EBF3: variants seen among roughly 807,000 people sequenced by gnomAD.
EBF3 encodes EBF transcription factor 3.
In EBF3, 18 loss-of-function variants were observed where a neutral mutation model predicts 77.1. The ratio of observed to expected loss-of-function variants is 0.23; its 90% CI spans 0.16 to 0.35. The LOEUF is 0.35. Ranked by LOEUF, EBF3 falls within the 10% of genes least tolerant of loss-of-function variation. The probability of loss-of-function intolerance (pLI) is 1.00; values close to 1 mark genes in which losing one functional copy is unlikely to be tolerated. For synonymous variants in EBF3, 350 were observed against 343.5 expected (o/e 1.02, Z -0.21); for missense variants, 558 against 860.0 (o/e 0.65, Z 4.39).
At position 129,841,094 on chromosome 10, in the gene EBF3, G is replaced by A. The variant is rs558218789; in HGVS notation, c.1373-62C>T. Reference sequence around the variant, plus strand: ...TTATCAGCGACAGACACTTGGGGGGGGTTCCCCGAGAATCTATATCATATA... The same window carrying A: ...TTATCAGCGACAGACACTTGGGGGGAGTTCCCCGAGAATCTATATCATATA... On this transcript the variant is annotated intron_variant, in intron 13 of 16. Coordinates refer to ENST00000440978, the MANE Select transcript of EBF3 (RefSeq NM_001375380.1). This position sits in a 1 kb window ranked among gnomAD's most constrained non-coding sequence, Gnocchi z 4.6. 6 of 1,580,680 alleles carry A rather than the reference G, an allele frequency of 3.8e-6. No homozygotes were observed. The African/African-American group carries it at 5.4e-5, about 14-fold the overall frequency.
chr10:129,863,452 C>T lies in EBF3; in HGVS notation c.1039+3689G>A, dbSNP rs1851776734. On this transcript the variant is annotated intron_variant, in intron 10 of 16. Transcript: ENST00000440978. The surrounding 1 kb of genome is among the most constrained non-coding windows in gnomAD (Gnocchi z 4.0). ...TGGTTCAGAAAAATCTGGTGTTTCT[C>T]AGATCACTGTAAACAGATCATTGAG... Among the ~76,000 whole-genome samples, 1 of 152,220 alleles carries T rather than the reference C, an allele frequency of 6.6e-6. No individual in the cohort carries two copies. Among genetic ancestry groups the T allele is most frequent in the South Asian group, 2.1e-4 (1 of 4,832 alleles).
At chr10:129,872,803 G>T (rs1852491397) in intron 8 of EBF3, among the ~76,000 whole-genome samples, 1 of 152,192 alleles carries the variant, frequency 6.6e-6, no homozygotes, top group African/African-American at 2.4e-5. Context: ...TCGGCGCAAG[G>T]CCCACTGTGT....
intron 10 of EBF3, among the ~76,000 whole-genome samples, chr10:129,865,853 G>A (rs1351799172): frequency 1.3e-5 from 2 of 152,180 alleles, no homozygotes; most frequent in African/African-American, 4.8e-5. Context: ...GTGTCCCATT[G>A]GGCGTCCTTC....
chr10:129,951,870 C>T (rs491299), intron 6 of EBF3, among the ~76,000 whole-genome samples: 82,414 of 152,186 alleles, frequency 0.54, 23,113 homozygotes, highest in Middle Eastern at 0.63. Context: ...CATAATGCAG[C>T]TCTTCCTTTT....
intron 15 of EBF3, 147 bp from the exon 16 acceptor site, chr10:129,839,342 C>T (rs1316771107): frequency 3.1e-5 from 12 of 385,994 alleles, no homozygotes; most frequent in African/African-American, 4.2e-5. Flanking sequence ...TAAGTGCCTG[C>T]GGGCCTCAGC....
rs868766968 is a variant in EBF3, at chr10:129,853,838, A to C, written c.1040-5358T>G. Among the ~76,000 whole-genome samples, 5 of 152,376 alleles carry C rather than the reference A, an allele frequency of 3.3e-5. No individual in the cohort carries two copies. In the South Asian group the frequency reaches 1.0e-3, roughly 32 times the overall value. On this transcript the variant is annotated intron_variant, in intron 10 of 16. Transcript: ENST00000440978. Reference sequence around the variant, plus strand: ...AACCAGCTGAATCCAAGGGGGAAAAATGCCAATAGCAATTATATCACCTTG... The same window carrying C: ...AACCAGCTGAATCCAAGGGGGAAAACTGCCAATAGCAATTATATCACCTTG...
Position 129,848,279 on chromosome 10 carries a change from A to AGAGTTTGG in EBF3, c.1128+105_1128+112dup. 8.8e-7 allele frequency: 1 copy of AGAGTTTGG among 1,132,066 alleles called. No homozygotes were observed. Among genetic ancestry groups the AGAGTTTGG allele is most frequent in the East Asian group, 2.4e-5 (1 of 42,384 alleles). 70.1% of individuals were successfully genotyped at this position (1,132,066 alleles called of 1,614,324 possible). ...CACCTGTCGGCCCTGTGGTGGGCACAGAGTTTGGGGAATCTGCAATCCCCC... is the reference window on the plus strand; with the variant it reads ...CACCTGTCGGCCCTGTGGTGGGCACAGAGTTTGGGAGTTTGGGGAATCTGCAATCCCCC... On this transcript the variant is annotated intron_variant, in intron 11 of 16. Coordinates refer to ENST00000440978, the MANE Select transcript of EBF3 (RefSeq NM_001375380.1). The surrounding 1 kb of genome is among the most constrained non-coding windows in gnomAD (Gnocchi z 4.4).
At chr10:129,912,403 T>C (rs566608281) in intron 6 of EBF3, among the ~76,000 whole-genome samples, 14 of 152,270 alleles carry the variant, frequency 9.2e-5, no homozygotes, top group Admixed American at 7.8e-4. Flanking sequence ...CCTGATTGGC[T>C]CCTGCAGGAT....
At chr10:129,931,506 T>G (rs1857024486) in intron 6 of EBF3, among the ~76,000 whole-genome samples, 1 of 152,224 alleles carries the variant, frequency 6.6e-6, no homozygotes, top group Non-Finnish European at 1.5e-5. Context: ...CTCTGAGAAC[T>G]GGGCCCTTAA....
chr10:129,916,414 A>G (rs975137813), intron 6 of EBF3, among the ~76,000 whole-genome samples: 1 of 152,234 alleles, frequency 6.6e-6, no homozygotes. Context: ...ATGCTTGACC[A>G]GCCCCTGATC....
At position 129,839,413 on chromosome 10, in the gene EBF3, G is replaced by A. The variant is rs111614412; in HGVS notation, c.1760-218C>T. On this transcript the variant is annotated intron_variant, in intron 15 of 16. Transcript: ENST00000440978. ...TGGGGGCACCCATGTGGCTCTGCCC[G>A]TCACACACATCACAGGCCACGTGCA... 1.9e-3 allele frequency among the ~76,000 whole-genome samples: 285 copies of A among 152,336 alleles called. 2 individuals carry two copies. Among genetic ancestry groups the A allele is most frequent in the South Asian group, 4.1e-3 (20 of 4,828 alleles).
intron 6 of EBF3, among the ~76,000 whole-genome samples, chr10:129,886,977 C>T (rs1056203171): frequency 2.7e-5 from 4 of 148,796 alleles, no homozygotes; most frequent in Non-Finnish European, 4.4e-5. Flanking sequence ...AAGGAAATAC[C>T]GATCAGCGCC....
rs1353936339 is a variant in EBF3 at position 129,861,169 on chromosome 10, CA to C, written c.1039+5971del. ...GGTTTGGGTTGATGCTGTGCCGTAGCAGTGGGGAGGACAGCGGTGGGAGCCT... is the reference window on the plus strand; with the variant it reads ...GGTTTGGGTTGATGCTGTGCCGTAGCGTGGGGAGGACAGCGGTGGGAGCCT... On this transcript the variant is annotated intron_variant, in intron 10 of 16. Coordinates refer to ENST00000440978, the MANE Select transcript of EBF3 (RefSeq NM_001375380.1). The surrounding 1 kb of genome is among the most constrained non-coding windows in gnomAD (Gnocchi z 4.3). Among the ~76,000 whole-genome samples the C allele has an allele frequency of 3.3e-5, 5 of 152,150 alleles. No homozygotes were observed. The highest frequency in any genetic ancestry group is 3.3e-4 in the Admixed American group (5 of 15,284).
chr10:129,927,106 C>T (rs1856729497), intron 6 of EBF3, among the ~76,000 whole-genome samples: 1 of 152,198 alleles, frequency 6.6e-6, no homozygotes, highest in South Asian at 2.1e-4. Context: ...GAGCCACTGC[C>T]AGTCCATTCA....
chr10:129,894,161 G>T (rs879797499), intron 6 of EBF3, among the ~76,000 whole-genome samples: 5 of 152,188 alleles, frequency 3.3e-5, no homozygotes, highest in African/African-American at 4.8e-5. Flanking sequence ...GGGAAAATCT[G>T]TCAAGCTGGT....
chr10:129,855,183 G>T (rs1851168435), intron 10 of EBF3, among the ~76,000 whole-genome samples: 1 of 152,176 alleles, frequency 6.6e-6, no homozygotes, highest in Non-Finnish European at 1.5e-5. Context: ...CTTCTAATTG[G>T]AATTAGAGCC....
intron 6 of EBF3, among the ~76,000 whole-genome samples, chr10:129,914,185 C>A (rs1174160762): frequency 3.9e-5 from 6 of 152,186 alleles, no homozygotes; most frequent in Non-Finnish European, 7.3e-5. Context: ...GCTGACCTCT[C>A]CCCTACCCAC....
intron 6 of EBF3, among the ~76,000 whole-genome samples, chr10:129,922,023 C>T (rs1032958719): frequency 2.0e-5 from 3 of 152,212 alleles, no homozygotes; most frequent in Admixed American, 6.5e-5. Context: ...GGTGGCCCCA[C>T]GTCCCAGAGT....
intron 11 of EBF3, among the ~76,000 whole-genome samples, chr10:129,846,108 T>TTTTGTG (rs1554894181): frequency 7.2e-6 from 1 of 139,608 alleles, no homozygotes; most frequent in Non-Finnish European, 1.5e-5. Flanking sequence ...ATTCTGGGCT[T>TTTTGTG]TGTGTGTGTG....
Sources: gnomAD v4.1 joint callset for allele counts (sites outside exome capture counted in the v4.1 genomes callset) on GRCh38, gnomAD v4.1.1 for gene constraint, Gnocchi (gnomAD v3.1) non-coding constraint, MANE v1.5 for transcripts, NCBI Gene and HGNC (gene_info 2026-07-23, HGNC 2026-07-21) for gene names.